Variants in RFX6 observed in about 807,000 individuals in gnomAD.
The protein encoded by RFX6 is DNA-binding protein RFX6.
Under a neutral mutation model 110.8 loss-of-function variants are expected in RFX6, and 50 were observed. The ratio of observed to expected loss-of-function variants is 0.45; its 90% CI spans 0.36 to 0.57. RFX6 has a LOEUF of 0.57. RFX6 is among the 20% of genes least tolerant of loss of function. The pLI is 0.00. For missense variants in RFX6, 990 were observed against 1,127.0 expected, an observed-to-expected ratio of 0.88 and a Z score of 1.74; for synonymous variants, 383 against 411.2, an observed-to-expected ratio of 0.93 and a Z score of 0.83.
intron 4 of RFX6, chr6:116,884,722 T>A (rs1052125035): frequency 1.3e-5 from 2 of 152,076 alleles, no homozygotes; most frequent in Non-Finnish European, 2.9e-5. Context: ...GCCTTTAGGA[T>A]TAGGGATGAA....
chr6:116,907,111 A>G (rs1007254201), intron 6 of RFX6, among the ~76,000 whole-genome samples: 1 of 143,636 alleles, frequency 7.0e-6, no homozygotes, highest in African/African-American at 2.7e-5. Flanking sequence ...CTTTTTCTGT[A>G]CCTAATGAGA....
At chr6:116,879,271 C>A (rs339351) in intron 2 of RFX6, among the ~76,000 whole-genome samples, 44,031 of 151,600 alleles carry the variant, frequency 0.29, 6,566 homozygotes, top group South Asian at 0.38. Context: ...AAGACAAAGA[C>A]AATGCCGACT....
chr6:116,897,483 G>C (rs1330160368), intron 6 of RFX6, among the ~76,000 whole-genome samples: 1 of 152,182 alleles, frequency 6.6e-6, no homozygotes, highest in Non-Finnish European at 1.5e-5. Flanking sequence ...CTTAGCTATA[G>C]TGTAGAATGA....
chr6:116,885,414 CTGAG>C (rs1297037121), intron 4 of RFX6, among the ~76,000 whole-genome samples: 8 of 152,152 alleles, frequency 5.3e-5, no homozygotes, highest in African/African-American at 1.7e-4. Flanking sequence ...AAGTTATTTA[CTGAG>C]TATTACACAC....
chr6:116,889,157 A>G (rs998778782), intron 4 of RFX6, among the ~76,000 whole-genome samples: 1 of 152,122 alleles, frequency 6.6e-6, no homozygotes, highest in African/African-American at 2.4e-5. Context: ...TGCCCTTTAT[A>G]TATATTGTTT....
chr6:116,929,382 A>G (rs952277359), intron 18 of RFX6, among the ~76,000 whole-genome samples: 1 of 152,180 alleles, frequency 6.6e-6, no homozygotes, highest in Non-Finnish European at 1.5e-5. Context: ...GATCTCCATC[A>G]GTATCCAAAA....
At chr6:116,891,889 C>T (rs181950318) in intron 4 of RFX6, among the ~76,000 whole-genome samples, 66 of 152,138 alleles carry the variant, frequency 4.3e-4, no homozygotes, top group Non-Finnish European at 2.5e-4. Context: ...CTTCATTTCT[C>T]CCTTTGTTCC....
chr6:116,927,677 G>C lies in RFX6; in HGVS notation c.2398+138G>C. On this transcript the variant is annotated intron_variant, in intron 17 of 18. Transcript: ENST00000332958. ...GATCATGGAATCTTAGACATTTGGA[G>C]CTGATTTCTGTCACATACATATATA... 7 of 752,350 alleles carry C rather than the reference G, an allele frequency of 9.3e-6. No individual in the cohort carries two copies. In the South Asian group the frequency reaches 1.1e-4, roughly 12 times the overall value. 46.6% of individuals were successfully genotyped at this position (752,350 alleles called of 1,614,324 possible). A position where few individuals can be genotyped will look rare whatever the true frequency, so the allele number is the denominator to read the frequency against.
At position 116,894,078 on chromosome 6, in the gene RFX6, A is replaced by G; in HGVS notation, c.644+14A>G. 2.2e-6 allele frequency: 3 copies of G among 1,362,648 alleles called. No homozygotes were observed. Among genetic ancestry groups the G allele is most frequent in the Non-Finnish European group, 2.1e-6 (2 of 950,558 alleles). The allele number at this position is 1,362,648 out of a possible 1,614,324, so 84.4% of individuals were successfully genotyped here. On this transcript the variant is annotated intron_variant, in intron 5 of 18. Coordinates refer to ENST00000332958, the MANE Select transcript of RFX6 (RefSeq NM_173560.4). ...GGGCTTGACAAGGTAGAGTTACACC[A>G]TCTTCAAGACAAATTCTCTGTGTTT...
chr6:116,922,018 C>CTTTTTTTTTTTTTTCTT, intron 12 of RFX6, 24 bp from the exon 13 acceptor site: 1 of 883,484 alleles, frequency 1.1e-6, no homozygotes, highest in Non-Finnish European at 1.8e-6. Context: ...TCTTTTCTTT[C>CTTTTTTTTTTTTTTCTT]TTTTTTTTTT....
In RFX6 at chr6:116,877,318, C is replaced by T; in HGVS notation, c.43C>T (p.Gln15Ter). 6.2e-7 allele frequency: 1 copy of T among 1,612,884 alleles called. No individual in the cohort carries two copies. Among genetic ancestry groups the T allele is most frequent in the Non-Finnish European group, 8.5e-7 (1 of 1,179,624 alleles). ...GCTGGAAGACACCTTCCTGCAGGCG[C>T]AGCCTGCGCCCCAACTGTCCCCGGG... The part of the protein sequence containing the change: ...PELEDTFLQA[Q>*]PAPQLSPGIQ... Residue 15 changes from glutamine to a stop codon, truncating the protein, a stop_gained, in exon 1 of 19, where the codon CAG becomes TAG. Coordinates refer to ENST00000332958, the MANE Select transcript of RFX6 (RefSeq NM_173560.4). LOFTEE classifies it high-confidence loss of function.
At chr6:116,887,517 A>G (rs1375725711) in intron 4 of RFX6, among the ~76,000 whole-genome samples, 1 of 152,194 alleles carries the variant, frequency 6.6e-6, no homozygotes, top group Non-Finnish European at 1.5e-5. Flanking sequence ...TACCAATTCC[A>G]AAAGTATACA....
chr6:116,909,614 A>G (rs1263007911), intron 6 of RFX6, among the ~76,000 whole-genome samples: 2 of 135,188 alleles, frequency 1.5e-5, no homozygotes, highest in Non-Finnish European at 3.4e-5. Context: ...ATAATTATTA[A>G]ATAATAGTTA....
intron 6 of RFX6, among the ~76,000 whole-genome samples, chr6:116,908,541 A>T (rs1236353557): frequency 6.6e-6 from 1 of 152,092 alleles, no homozygotes; most frequent in Non-Finnish European, 1.5e-5. Flanking sequence ...TGAGTAAAAA[A>T]GGTGAGAGCA....
chr6:116,918,593 G>A (rs1273816693), intron 10 of RFX6, among the ~76,000 whole-genome samples: 4 of 96,294 alleles, frequency 4.2e-5, no homozygotes, highest in Non-Finnish European at 4.7e-5. Flanking sequence ...AAGAACAATA[G>A]AATTCTGAAA....
chr6:116,926,745 CAT>C (rs1364666252), intron 16 of RFX6, among the ~76,000 whole-genome samples: 1 of 152,156 alleles, frequency 6.6e-6, no homozygotes, highest in African/African-American at 2.4e-5. Flanking sequence ...AGCAGACACA[CAT>C]GTCCTCCCCA....
intron 6 of RFX6, among the ~76,000 whole-genome samples, chr6:116,909,670 A>G (rs1207915545): frequency 6.7e-6 from 1 of 150,238 alleles, no homozygotes; most frequent in African/African-American, 2.4e-5. Flanking sequence ...TTAATAAAGT[A>G]AAAATTAAAC....
In RFX6 at chr6:116,927,315, G is replaced by T. The variant is rs1562149069; in HGVS notation, c.2174G>T (p.Gly725Val). 6.2e-7 allele frequency: 1 copy of T among 1,614,164 alleles called. No individual in the cohort carries two copies. The highest frequency in any genetic ancestry group is 2.2e-5 in the East Asian group (1 of 44,890). Residue 725 changes from glycine (G) to valine (V), a missense_variant, in exon 17 of 19, where the codon GGT becomes GTT. Transcript: ENST00000332958. ...CTCTATCCTCATCACACCGAGCATGGTCGATGCATGGCTTGGACTGAACAG... is the reference window on the plus strand; with the variant it reads ...CTCTATCCTCATCACACCGAGCATGTTCGATGCATGGCTTGGACTGAACAG... ...SGLYPHHTEH[G>V]RCMAWTEQQL...
At chr6:116,898,681 A>G (rs962605635) in intron 6 of RFX6, among the ~76,000 whole-genome samples, 5 of 152,186 alleles carry the variant, frequency 3.3e-5, no homozygotes, top group Admixed American at 3.3e-4. Context: ...AAAACTGAAA[A>G]GAGAAAGGGT....
Sources: gnomAD v4.1 joint callset for allele counts (sites outside exome capture counted in the v4.1 genomes callset) on GRCh38, gnomAD v4.1.1 for gene constraint, MANE v1.5 for transcripts, NCBI Gene and HGNC (gene_info 2026-07-23, HGNC 2026-07-21) for gene names.